RARB: variants seen among roughly 807,000 people sequenced by gnomAD.
RARB encodes the protein HBV-activated protein.
A neutral mutation model predicts 51.9 loss-of-function variants in RARB; 17 were observed. The observed-to-expected ratio is 0.33, with a 90% confidence interval of 0.22 to 0.49. The LOEUF (loss-of-function observed/expected upper bound fraction) is 0.49, where lower values mean the gene tolerates loss of function less well. Ranked by LOEUF, RARB falls within the 20% of genes least tolerant of loss-of-function variation. The pLI is 0.99. For missense variants in RARB, 369 were observed against 550.8 expected, an observed-to-expected ratio of 0.67 and a Z score of 3.30; for synonymous variants, 215 against 195.4, an observed-to-expected ratio of 1.10 and a Z score of -0.84.
At chr3:25,410,088 C>T (rs968063561) in intron 5 of RARB, among the ~76,000 whole-genome samples, 4 of 152,180 alleles carry the variant, frequency 2.6e-5, no homozygotes, top group Admixed American at 1.3e-4. Context: ...TCATCATTCC[C>T]TCTTGATGAG....
At chr3:25,315,028 G>A (rs1329257476) in intron 5 of RARB, among the ~76,000 whole-genome samples, 2 of 152,192 alleles carry the variant, frequency 1.3e-5, no homozygotes, top group African/African-American at 4.8e-5. Context: ...GATGCATAGG[G>A]CATTATTTTA....
intron 2 of RARB, among the ~76,000 whole-genome samples, chr3:24,944,364 G>A (rs1353978495): frequency 2.0e-5 from 3 of 152,174 alleles, no homozygotes; most frequent in Non-Finnish European, 4.4e-5. Context: ...GTTGTTGAAA[G>A]CCTGGAAATA....
intron 3 of RARB, among the ~76,000 whole-genome samples, chr3:25,556,974 A>T (rs1700086386): frequency 6.6e-6 from 1 of 152,236 alleles, no homozygotes; most frequent in Non-Finnish European, 1.5e-5. Flanking sequence ...TTCTCATAGT[A>T]ATTCTTGTAA....
chr3:24,956,096 G>A (rs546601003), intron 2 of RARB, among the ~76,000 whole-genome samples: 2 of 152,112 alleles, frequency 1.3e-5, no homozygotes, highest in Non-Finnish European at 2.9e-5. Context: ...TTAGAAAGAT[G>A]AGAGAGAAAC....
At chr3:25,101,567 G>C (rs376637957) in intron 3 of RARB, among the ~76,000 whole-genome samples, 3 of 149,794 alleles carry the variant, frequency 2.0e-5, no homozygotes, top group East Asian at 3.9e-4. Flanking sequence ...TATCATTTTT[G>C]TTATTTTAAA....
intron 2 of RARB, among the ~76,000 whole-genome samples, chr3:24,905,922 G>C (rs1694852751): frequency 6.6e-6 from 1 of 152,138 alleles, no homozygotes; most frequent in Non-Finnish European, 1.5e-5. Context: ...AAGACTTGAG[G>C]TTTTGTTAAT....
chr3:25,338,075 GTCAC>G (rs150163138), intron 5 of RARB, among the ~76,000 whole-genome samples: 6,255 of 145,718 alleles, frequency 0.043, 163 homozygotes, highest in Middle Eastern at 0.062. Flanking sequence ...GCATGTGTAT[GTCAC>G]CCCCCTCCAA....
In RARB at chr3:24,938,977, G is replaced by GT. The variant is rs1036719858; in HGVS notation, c.-380+80231dup. 1.4e-3 allele frequency among the ~76,000 whole-genome samples: 149 copies of GT among 109,824 alleles called. 1 individual carries two copies. The highest frequency in any genetic ancestry group is 1.8e-3 in the Non-Finnish European group (94 of 51,964). The allele number at this position is 109,824 out of a possible 152,430, so 72.0% of individuals were successfully genotyped here. On this transcript the variant is annotated intron_variant, in intron 2 of 11. Transcript: ENST00000383772. ...TCATTTGACTGTTAATGAACATTTA[G>GT]TTTTTTGTTGTTGTTTTTTTTTTTA...
intron 5 of RARB, among the ~76,000 whole-genome samples, chr3:25,348,597 A>G (rs1398972788): frequency 1.3e-5 from 2 of 152,314 alleles, no homozygotes; most frequent in South Asian, 4.1e-4. Context: ...TAATAATTGC[A>G]AGTCCTTTGG....
chr3:25,413,035 A>T (rs1707607852), intron 5 of RARB, among the ~76,000 whole-genome samples: 3 of 151,596 alleles, frequency 2.0e-5, no homozygotes, highest in African/African-American at 7.3e-5. Flanking sequence ...AAAAAAAAAA[A>T]AGAAGAAGAA....
chr3:24,954,744 A>C (rs1170532151), intron 2 of RARB, among the ~76,000 whole-genome samples: 2 of 152,166 alleles, frequency 1.3e-5, no homozygotes, highest in African/African-American at 4.8e-5. Context: ...AGGAAAGTAG[A>C]GAAAGGAAGC....
intron 2 of RARB, among the ~76,000 whole-genome samples, chr3:25,020,740 A>G (rs1446257685): frequency 6.6e-6 from 1 of 152,180 alleles, no homozygotes; most frequent in African/African-American, 2.4e-5. Context: ...TAGAATGAAT[A>G]AACAAGTCAC....
chr3:24,913,968 C>G (rs1305168129), intron 2 of RARB, among the ~76,000 whole-genome samples: 1 of 152,130 alleles, frequency 6.6e-6, no homozygotes, highest in Non-Finnish European at 1.5e-5. Context: ...CTGGCTTTTT[C>G]TCTATGCGAT....
chr3:24,899,190 A>G (rs2125370177), intron 2 of RARB, among the ~76,000 whole-genome samples: 1 of 152,326 alleles, frequency 6.6e-6, no homozygotes, highest in Middle Eastern at 3.4e-3. Flanking sequence ...TTTCAAGATG[A>G]CAGCAGAGCA....
chr3:25,556,297 T>C (rs1017189796), intron 3 of RARB, among the ~76,000 whole-genome samples: 21 of 152,208 alleles, frequency 1.4e-4, no homozygotes, highest in African/African-American at 5.1e-4. Context: ...AGGGGAAGGC[T>C]AAGTTGGCTA....
At chr3:25,464,232 A>G (rs1164493034) in intron 2 of RARB, among the ~76,000 whole-genome samples, 1 of 152,164 alleles carries the variant, frequency 6.6e-6, no homozygotes, top group African/African-American at 2.4e-5. Flanking sequence ...TGTGGCACAT[A>G]CTAGGAGCTG....
intron 2 of RARB, among the ~76,000 whole-genome samples, chr3:24,889,285 C>G (rs946208361): frequency 5.3e-5 from 8 of 152,114 alleles, no homozygotes; most frequent in African/African-American, 1.9e-4. Context: ...CCTGGGGCAG[C>G]TTATTTTCAT....
intron 5 of RARB, among the ~76,000 whole-genome samples, chr3:25,260,401 G>C (rs545635223): frequency 6.6e-6 from 1 of 152,094 alleles, no homozygotes; most frequent in Admixed American, 6.6e-5. Context: ...CAAAAACCAA[G>C]CAACTGAAGA....
chr3:24,898,557 T>C (rs532374153), intron 2 of RARB, among the ~76,000 whole-genome samples: 1 of 152,222 alleles, frequency 6.6e-6, no homozygotes, highest in South Asian at 2.1e-4. Flanking sequence ...GTAGAACAAA[T>C]ACTGGAAGGC....
Sources: allele counts gnomAD v4.1 joint callset (sites outside exome capture counted in the v4.1 genomes callset), GRCh38; gene constraint gnomAD v4.1.1; transcripts MANE v1.5; gene names NCBI Gene and HGNC (gene_info 2026-07-23, HGNC 2026-07-21).